ADARB2: variants seen among roughly 807,000 people sequenced by gnomAD.
ADARB2 encodes adenosine deaminase RNA specific B2 (inactive).
Under a neutral mutation model 62.2 loss-of-function variants are expected in ADARB2, and 25 were observed. The observed-to-expected ratio is 0.40, with a 90% confidence interval of 0.29 to 0.56. ADARB2 has a LOEUF of 0.56. ADARB2 is among the 20% of genes least tolerant of loss of function. The pLI is 0.43. For synonymous variants in ADARB2, 572 were observed against 500.8 expected (o/e 1.14, Z -1.90); for missense variants, 1,071 against 1,077.4 (o/e 0.99, Z 0.08).
chr10:1,282,888 C>T (rs564606187), intron 3 of ADARB2, among the ~76,000 whole-genome samples: 1 of 152,298 alleles, frequency 6.6e-6, no homozygotes, highest in South Asian at 2.1e-4. Context: ...GACACTTTCC[C>T]ATAACCCAGA....
chr10:1,333,183 C>A (rs959550278), intron 3 of ADARB2, among the ~76,000 whole-genome samples: 2 of 152,238 alleles, frequency 1.3e-5, no homozygotes, highest in Non-Finnish European at 2.9e-5. Context: ...TTTCTACTAG[C>A]TTTTCTCCTG....
chr10:1,326,496 A>G (rs1485425796), intron 3 of ADARB2, among the ~76,000 whole-genome samples: 2 of 152,210 alleles, frequency 1.3e-5, no homozygotes, highest in Non-Finnish European at 2.9e-5. Context: ...TCTTTCTATG[A>G]ACTCTGAAAA....
chr10:1,715,161 A>T (rs1486621021), intron 1 of ADARB2, among the ~76,000 whole-genome samples: 2 of 152,072 alleles, frequency 1.3e-5, no homozygotes, highest in Admixed American at 1.3e-4. Flanking sequence ...GGTTGCTTTT[A>T]TTAGAAAGCA....
intron 1 of ADARB2, among the ~76,000 whole-genome samples, chr10:1,607,942 C>T (rs148997309): frequency 5.9e-5 from 9 of 152,336 alleles, no homozygotes; most frequent in South Asian, 2.1e-4. Context: ...ATTTCAGAGA[C>T]TGCTGTCTAC....
chr10:1,207,609 G>T (rs144451775), intron 7 of ADARB2, among the ~76,000 whole-genome samples: 5 of 152,176 alleles, frequency 3.3e-5, no homozygotes, highest in Non-Finnish European at 7.4e-5. Flanking sequence ...ATCTCTAGGT[G>T]GGGGGAGACG....
At chr10:1,609,024 TAGAA>T (rs1392429971) in intron 1 of ADARB2, among the ~76,000 whole-genome samples, 1 of 152,110 alleles carries the variant, frequency 6.6e-6, no homozygotes, top group African/African-American at 2.4e-5. Flanking sequence ...TGCAGAAGGC[TAGAA>T]AGAAGGACCC....
At chr10:1,235,644 GCCTCCCGGTGTTTACTCCCCTCTC>G (rs1830864332) in intron 5 of ADARB2, among the ~76,000 whole-genome samples, 1 of 21,142 alleles carries the variant, frequency 4.7e-5, no homozygotes. Context: ...ACTCCCCTCT[GCCTCCCGGTGTTTACTCCCCTCTC>G]CCTCCCGGTG....
At chr10:1,266,021 G>A (rs1463244384) in intron 4 of ADARB2, among the ~76,000 whole-genome samples, 1 of 129,846 alleles carries the variant, frequency 7.7e-6, no homozygotes, top group Non-Finnish European at 1.7e-5. Context: ...GCCTGAGAGG[G>A]GGGCCCAGGG....
chr10:1,671,010 T>G (rs1834377453), intron 1 of ADARB2, among the ~76,000 whole-genome samples: 1 of 152,228 alleles, frequency 6.6e-6, no homozygotes, highest in Non-Finnish European at 1.5e-5. Context: ...CTGATTCTGA[T>G]TTTTAAATGG....
chr10:1,448,138 C>T (rs1304699343), intron 1 of ADARB2, among the ~76,000 whole-genome samples: 1 of 152,070 alleles, frequency 6.6e-6, no homozygotes, highest in Non-Finnish European at 1.5e-5. Flanking sequence ...TAATTATATC[C>T]TTGGTGGTGT....
chr10:1,337,796 T>G (rs1212933928), intron 3 of ADARB2, among the ~76,000 whole-genome samples: 3 of 152,252 alleles, frequency 2.0e-5, no homozygotes, highest in Non-Finnish European at 2.9e-5. Context: ...GAAAAGGAAT[T>G]GGGTCATAAA....
At chr10:1,224,032 G>A (rs1030622381) in intron 6 of ADARB2, among the ~76,000 whole-genome samples, 2 of 152,114 alleles carry the variant, frequency 1.3e-5, no homozygotes, top group South Asian at 2.1e-4. Flanking sequence ...GGTAGAATTC[G>A]GCTGTGAACC....
rs544026585 is a variant in ADARB2 at position 1,618,022 on chromosome 10, A to T, written c.100+119029T>A. 1.3e-3 allele frequency among the ~76,000 whole-genome samples: 193 copies of T among 152,288 alleles called. 2 individuals are homozygous for T. The highest frequency in any genetic ancestry group is 4.3e-3 in the African/African-American group (177 of 41,548). On this transcript the variant is annotated intron_variant, in intron 1 of 9. Coordinates refer to ENST00000381312, the MANE Select transcript of ADARB2 (RefSeq NM_018702.4). Reference sequence around the variant, plus strand: ...GCTGCATCTCCCCGGGAGCTTCATCATGCCCTTTAGTTTCTGTGACATTCT... The same window carrying T: ...GCTGCATCTCCCCGGGAGCTTCATCTTGCCCTTTAGTTTCTGTGACATTCT...
intron 1 of ADARB2, among the ~76,000 whole-genome samples, chr10:1,391,269 C>T (rs1179052060): frequency 9.5e-6 from 1 of 104,854 alleles, no homozygotes; most frequent in Non-Finnish European, 2.0e-5. Context: ...AAGACTGTGA[C>T]CCCCCCATAG....
At chr10:1,726,343 A>G (rs1359748272) in intron 1 of ADARB2, among the ~76,000 whole-genome samples, 2 of 150,632 alleles carry the variant, frequency 1.3e-5, no homozygotes, top group African/African-American at 4.8e-5. Flanking sequence ...GGTGATTGAT[A>G]TGATTCCAAA....
At chr10:1,331,908 G>C (rs1831931533) in intron 3 of ADARB2, among the ~76,000 whole-genome samples, 1 of 152,096 alleles carries the variant, frequency 6.6e-6, no homozygotes, top group Non-Finnish European at 1.5e-5. Context: ...GAGCTTTTAG[G>C]GTTTTTCAGA....
chr10:1,217,323 C>T (rs1336012128), intron 6 of ADARB2, among the ~76,000 whole-genome samples: 1 of 152,196 alleles, frequency 6.6e-6, no homozygotes, highest in Non-Finnish European at 1.5e-5. Context: ...GGGCCAACTT[C>T]CCAGTCAAGG....
At chr10:1,664,431 T>C (rs1298298152) in intron 1 of ADARB2, among the ~76,000 whole-genome samples, 1 of 152,178 alleles carries the variant, frequency 6.6e-6, no homozygotes, top group Non-Finnish European at 1.5e-5. Context: ...CAGCAATGAA[T>C]GAGGGTTTCT....
At chr10:1,698,759 A>C (rs914599739) in intron 1 of ADARB2, among the ~76,000 whole-genome samples, 5 of 152,178 alleles carry the variant, frequency 3.3e-5, no homozygotes, top group Non-Finnish European at 5.9e-5. Context: ...CTTTTAAAAA[A>C]TTTATTATTA....
Sources: allele counts gnomAD v4.1 joint callset (sites outside exome capture counted in the v4.1 genomes callset), GRCh38; gene constraint gnomAD v4.1.1; transcripts MANE v1.5; gene names NCBI Gene and HGNC (gene_info 2026-07-23, HGNC 2026-07-21).